CCDC146: variants seen among roughly 807,000 people sequenced by gnomAD.
The protein encoded by CCDC146 is coiled-coil domain-containing protein 146.
CCDC146 carries 92 observed loss-of-function variants against 119.3 expected under a neutral mutation model. That is an observed-to-expected ratio of 0.77 (90% CI 0.65 to 0.92). The LOEUF (loss-of-function observed/expected upper bound fraction) is 0.92. Among genes scored for constraint, CCDC146 ranks in the 40% least tolerant of loss-of-function variants. The probability of loss-of-function intolerance (pLI) is 0.00; values close to 1 mark genes in which losing one functional copy is unlikely to be tolerated. For missense variants in CCDC146, 1,000 were observed against 1,103.0 expected (o/e 0.91, Z 1.32); for synonymous variants, 372 against 371.8 (o/e 1.00, Z -0.01).
At chr7:77,287,640 C>T in intron 17 of CCDC146, 63 bp downstream of exon 17, 1 of 1,541,716 alleles carries the variant, frequency 6.5e-7, no homozygotes. Flanking sequence ...TTATTTTCCA[C>T]AGACCGACAG....
At chr7:77,262,924 G>A (rs990242625) in intron 9 of CCDC146, among the ~76,000 whole-genome samples, 9 of 152,314 alleles carry the variant, frequency 5.9e-5, no homozygotes, top group South Asian at 4.1e-4. Context: ...ATGACCAAGC[G>A]CCACTGAAAG....
chr7:77,280,704 C>T lies in CCDC146; in HGVS notation c.1919+51C>T, dbSNP rs762685712. 7 of 1,267,934 alleles carry T rather than the reference C, an allele frequency of 5.5e-6. No individual in the cohort carries two copies. The South Asian group carries it at 8.0e-5, about 15-fold the overall frequency. The allele number at this position is 1,267,934 out of a possible 1,614,324, so 78.5% of individuals were successfully genotyped here. ...CACCAGGGATCCAACTGAGGAATGTCACCTCTTTTTCTATCTAGACTTGAC... is the reference window on the plus strand; with the variant it reads ...CACCAGGGATCCAACTGAGGAATGTTACCTCTTTTTCTATCTAGACTTGAC... On this transcript the variant is annotated intron_variant, in intron 14 of 18. Coordinates refer to ENST00000285871, the MANE Select transcript of CCDC146 (RefSeq NM_020879.3).
intron 2 of CCDC146, among the ~76,000 whole-genome samples, chr7:77,178,045 T>G (rs532409468): frequency 1.6e-4 from 24 of 152,362 alleles, no homozygotes; most frequent in African/African-American, 5.8e-4. Context: ...TTTACAAAGA[T>G]TGAATATTGA....
At chr7:77,205,644 A>C (rs1199640686) in intron 2 of CCDC146, among the ~76,000 whole-genome samples, 1 of 152,220 alleles carries the variant, frequency 6.6e-6, no homozygotes, top group African/African-American at 2.4e-5. Context: ...CTGTGGTCCC[A>C]GCTACTCGGC....
At chr7:77,237,212 A>G in intron 3 of CCDC146, 183 bp downstream of exon 3, 1 of 586,464 alleles carries the variant, frequency 1.7e-6, no homozygotes, top group East Asian at 3.0e-5. Flanking sequence ...CTGGGAAGGA[A>G]GGAATCTAGC....
At chr7:77,259,630 G>T (rs1256594689) in intron 7 of CCDC146, among the ~76,000 whole-genome samples, 1 of 152,070 alleles carries the variant, frequency 6.6e-6, no homozygotes, top group South Asian at 2.1e-4. Flanking sequence ...GAAAAATTAG[G>T]CAGGCACTAG....
Position 77,240,971 on chromosome 7 carries a change from TG to T in CCDC146, c.240-719del, listed in dbSNP as rs1465321278. ...TTTTTTAAATCACGTTGACATTTTT[TG>T]TTTTTTTTTGTTTGTTTGTTTGTTT... On this transcript the variant is annotated intron_variant, in intron 3 of 18. Coordinates refer to ENST00000285871, the MANE Select transcript of CCDC146 (RefSeq NM_020879.3). Among the ~76,000 whole-genome samples the T allele has an allele frequency of 5.3e-5, 8 of 150,962 alleles. No individual in the cohort carries two copies. The South Asian group carries it at 6.3e-4, about 12-fold the overall frequency.
At chr7:77,244,931 G>A (rs1918281) in intron 4 of CCDC146, among the ~76,000 whole-genome samples, 87,174 of 152,030 alleles carry the variant, frequency 0.57, 27,054 homozygotes, top group Non-Finnish European at 0.7. Context: ...CTCTTATTGA[G>A]TTTCTAGATA....
At chr7:77,131,056 C>T (rs1790779404) in intron 1 of CCDC146, among the ~76,000 whole-genome samples, 1 of 151,662 alleles carries the variant, frequency 6.6e-6, no homozygotes, top group Non-Finnish European at 1.5e-5. Flanking sequence ...CACACCTGGC[C>T]AATTTTTATA....
intron 6 of CCDC146, among the ~76,000 whole-genome samples, chr7:77,258,446 G>A (rs7809007): frequency 0.064 from 9,699 of 152,172 alleles, 1,003 homozygotes; most frequent in African/African-American, 0.22. Flanking sequence ...TAGACACCAC[G>A]CTTCAAGTAC....
chr7:77,129,524 G>A (rs1235291886), intron 1 of CCDC146, among the ~76,000 whole-genome samples: 2 of 152,016 alleles, frequency 1.3e-5, no homozygotes, highest in Non-Finnish European at 2.9e-5. Context: ...AAATTGTGAA[G>A]AATGAAAAAT....
intron 4 of CCDC146, among the ~76,000 whole-genome samples, chr7:77,243,088 G>A (rs1474010160): frequency 6.6e-6 from 1 of 152,154 alleles, no homozygotes. Flanking sequence ...AAAACAATTG[G>A]TGGTTGTTCA....
intron 2 of CCDC146, among the ~76,000 whole-genome samples, chr7:77,229,457 C>T (rs985314429): frequency 6.6e-6 from 1 of 152,150 alleles, no homozygotes; most frequent in East Asian, 1.9e-4. Flanking sequence ...TTAGGTTTTA[C>T]ATTTAAGTCT....
chr7:77,128,699 C>T (rs1295210992), intron 1 of CCDC146, among the ~76,000 whole-genome samples: 1 of 151,940 alleles, frequency 6.6e-6, no homozygotes, highest in East Asian at 1.9e-4. Context: ...CATAGATTTG[C>T]ACTGCCACTG....
intron 3 of CCDC146, among the ~76,000 whole-genome samples, chr7:77,238,978 C>A (rs572540312): frequency 4.1e-4 from 61 of 150,080 alleles, no homozygotes; most frequent in Middle Eastern, 6.8e-3. Flanking sequence ...ACTCCCAATG[C>A]CTGATGGGTG....
chr7:77,278,611 A>C (rs763995740), intron 11 of CCDC146, 141 bp from the exon 12 acceptor site: 55 of 601,994 alleles, frequency 9.1e-5, no homozygotes, highest in Non-Finnish European at 1.3e-4. Context: ...ATACCCAGAT[A>C]ATTTTTTTAT....
chr7:77,196,948 G>A lies in CCDC146; in HGVS notation c.156+29124G>A, dbSNP rs566096585. The A allele has an allele frequency of 3.4e-5, 55 of 1,611,638 alleles. No individual in the cohort carries two copies. The highest frequency in any genetic ancestry group is 4.0e-5 in the Non-Finnish European group (47 of 1,178,752). On this transcript the variant is annotated intron_variant, in intron 2 of 18. Transcript: ENST00000285871. The surrounding 1 kb of genome is among the most constrained non-coding windows in gnomAD (Gnocchi z 4.2). The stretch of plus-strand genomic sequence containing the variant: ...TCTCACTGCTTCTTTTGCCTATTGC[G>A]TAGTAGTCAGAGCAATCTTTATATA...
intron 2 of CCDC146, among the ~76,000 whole-genome samples, chr7:77,218,119 T>C (rs1009773703): frequency 2.0e-5 from 3 of 152,106 alleles, no homozygotes; most frequent in Non-Finnish European, 4.4e-5. Context: ...CAGTAAGCAA[T>C]AGGAATTTTT....
At chr7:77,207,970 G>A (rs938618831) in intron 2 of CCDC146, among the ~76,000 whole-genome samples, 1 of 152,130 alleles carries the variant, frequency 6.6e-6, no homozygotes. Flanking sequence ...TATTGGACTA[G>A]GCTGTATACT....
Sources: allele counts gnomAD v4.1 joint callset (sites outside exome capture counted in the v4.1 genomes callset), GRCh38; gene constraint gnomAD v4.1.1; non-coding constraint Gnocchi (gnomAD v3.1); transcripts MANE v1.5; gene names NCBI Gene and HGNC (gene_info 2026-07-23, HGNC 2026-07-21).